Variants in PAK1 observed in about 807,000 individuals in gnomAD.
The protein encoded by PAK1 is p21 (RAC1) activated kinase 1.
In PAK1, 29 loss-of-function variants were observed where a neutral mutation model predicts 67.4. The ratio of observed to expected loss-of-function variants is 0.43; its 90% CI spans 0.32 to 0.59. The LOEUF is 0.59. PAK1 is among the 20% of genes least tolerant of loss of function. PAK1 has a pLI of 0.07. For missense variants in PAK1, 337 were observed against 670.7 expected (o/e 0.50, Z 5.50); for synonymous variants, 223 against 237.4 (o/e 0.94, Z 0.56).
intron 1 of PAK1, among the ~76,000 whole-genome samples, chr11:77,426,536 G>A (rs1274546067): frequency 3.3e-5 from 5 of 152,096 alleles, no homozygotes; most frequent in South Asian, 2.1e-4. Context: ...TAAATATCAA[G>A]TTCATCACAT....
chr11:77,506,877 T>C, the PAK1 span, among the ~76,000 whole-genome samples: 1 of 152,010 alleles, frequency 6.6e-6, no homozygotes, highest in East Asian at 1.9e-4. Flanking sequence ...AAGCAAGGGA[T>C]AAAAACAGTG....
the PAK1 span, among the ~76,000 whole-genome samples, chr11:77,520,218 T>A: frequency 6.6e-6 from 1 of 152,124 alleles, no homozygotes; most frequent in Non-Finnish European, 1.5e-5. Context: ...TGCATTAGAA[T>A]AAGGATAAGG....
chr11:77,452,332 C>T (rs1166544311), intron 1 of PAK1, among the ~76,000 whole-genome samples: 1 of 152,174 alleles, frequency 6.6e-6, no homozygotes, highest in Non-Finnish European at 1.5e-5. Context: ...GCCCTCAAAT[C>T]TGCACTCTTT....
intron 1 of PAK1, among the ~76,000 whole-genome samples, chr11:77,459,961 G>T (rs1238416534): frequency 1.3e-5 from 2 of 152,094 alleles, no homozygotes; most frequent in African/African-American, 4.8e-5. Flanking sequence ...CTCCCAAAGT[G>T]CTGGGATTAC....
intron 5 of PAK1, among the ~76,000 whole-genome samples, chr11:77,362,380 ATTTTCTT>A (rs1946912362): frequency 6.6e-6 from 1 of 152,008 alleles, no homozygotes; most frequent in African/African-American, 2.4e-5. Context: ...TTTTAGTTTG[ATTTTCTT>A]TTTTCTTTTT....
upstream of PAK1, among the ~76,000 whole-genome samples, chr11:77,477,396 G>C (rs979021756): frequency 1.3e-5 from 2 of 151,936 alleles, no homozygotes; most frequent in African/African-American, 4.8e-5. Flanking sequence ...ATCAAACATT[G>C]AAATCAATGT....
At chr11:77,471,259 G>A (rs1259514173) in intron 1 of PAK1, among the ~76,000 whole-genome samples, 2 of 152,180 alleles carry the variant, frequency 1.3e-5, no homozygotes, top group African/African-American at 4.8e-5. Context: ...GGGACAGCAG[G>A]AGCTGGCAGG....
At chr11:77,409,177 T>C (rs896231526) in intron 1 of PAK1, among the ~76,000 whole-genome samples, 3 of 151,870 alleles carry the variant, frequency 2.0e-5, no homozygotes, top group Non-Finnish European at 4.4e-5. Flanking sequence ...GAGGTTGAGG[T>C]AGGAGACTGC....
chr11:77,415,729 G>A (rs535204945), intron 1 of PAK1, among the ~76,000 whole-genome samples: 13 of 152,146 alleles, frequency 8.5e-5, no homozygotes, highest in African/African-American at 2.4e-4. Context: ...AAAGGCCTAG[G>A]ATAGTATTGT....
At chr11:77,418,777 T>C (rs1475020265) in intron 1 of PAK1, among the ~76,000 whole-genome samples, 1 of 152,230 alleles carries the variant, frequency 6.6e-6, no homozygotes, top group African/African-American at 2.4e-5. Flanking sequence ...CTCTTGCCTG[T>C]TCCAGGTTTT....
chr11:77,356,850 C>T (rs946424821), intron 6 of PAK1, among the ~76,000 whole-genome samples: 1 of 152,102 alleles, frequency 6.6e-6, no homozygotes, highest in Non-Finnish European at 1.5e-5. Context: ...AAGAAATAAG[C>T]AAGCTATATA....
intron 5 of PAK1, among the ~76,000 whole-genome samples, chr11:77,373,536 G>A (rs1007410395): frequency 3.4e-4 from 51 of 149,126 alleles, no homozygotes; most frequent in African/African-American, 1.0e-3. Context: ...CTCCCGCCTG[G>A]GCAACAGAGC....
chr11:77,328,726 A>G (rs1940669351), intron 14 of PAK1, among the ~76,000 whole-genome samples: 1 of 152,246 alleles, frequency 6.6e-6, no homozygotes, highest in African/African-American at 2.4e-5. Context: ...TAAAAGAACT[A>G]GAAAAGCAAG....
At chr11:77,471,462 T>C (rs138506022) in intron 1 of PAK1, among the ~76,000 whole-genome samples, 2 of 152,222 alleles carry the variant, frequency 1.3e-5, no homozygotes, top group East Asian at 1.9e-4. Flanking sequence ...AGCCAGAGGA[T>C]GGAAGAGCAA....
the PAK1 span, among the ~76,000 whole-genome samples, chr11:77,509,935 C>A: frequency 6.6e-6 from 1 of 152,288 alleles, no homozygotes; most frequent in Admixed American, 6.5e-5. Flanking sequence ...TCAGGTATTT[C>A]TTTATAGCAA....
At chr11:77,372,658 A>G (rs1485063616) in intron 5 of PAK1, among the ~76,000 whole-genome samples, 3 of 152,282 alleles carry the variant, frequency 2.0e-5, no homozygotes, top group Non-Finnish European at 2.9e-5. Context: ...AAACTCCTAC[A>G]TGATCTGTCC....
chr11:77,514,455 A>T, the PAK1 span, among the ~76,000 whole-genome samples: 2,136 of 152,280 alleles, frequency 0.014, 43 homozygotes, highest in African/African-American at 0.049. Context: ...AGATCACACC[A>T]CCGCACACCA....
chr11:77,394,805 A>G (rs1013469644), intron 1 of PAK1, among the ~76,000 whole-genome samples: 2 of 152,204 alleles, frequency 1.3e-5, no homozygotes, highest in African/African-American at 2.4e-5. Context: ...AGATCACGCC[A>G]CTGCATTCCA....
upstream of PAK1, among the ~76,000 whole-genome samples, chr11:77,477,927 A>T (rs1457944248): frequency 6.6e-6 from 1 of 152,214 alleles, no homozygotes; most frequent in Non-Finnish European, 1.5e-5. Flanking sequence ...TGTCTCAAAA[A>T]TAAACAAGTA....
Sources: gnomAD v4.1 joint callset for allele counts (sites outside exome capture counted in the v4.1 genomes callset) on GRCh38, gnomAD v4.1.1 for gene constraint, MANE v1.5 for transcripts, NCBI Gene and HGNC (gene_info 2026-07-23, HGNC 2026-07-21) for gene names.